MEIKIN: variants seen among roughly 807,000 people sequenced by gnomAD.
The protein encoded by MEIKIN is meiotic kinetochore factor.
intron 9 of MEIKIN, among the ~76,000 whole-genome samples, chr5:131,863,090 A>G (rs140180888): frequency 8.8e-4 from 134 of 152,250 alleles, no homozygotes; most frequent in Non-Finnish European, 1.5e-3. Context: ...AGTACTGTAT[A>G]GTTTCCAAAC....
chr5:131,836,345 C>G (rs1448386719), intron 11 of MEIKIN, among the ~76,000 whole-genome samples: 3 of 152,130 alleles, frequency 2.0e-5, no homozygotes, highest in Admixed American at 2.0e-4. Flanking sequence ...GTGAACAGTG[C>G]TGCAATGAAC....
intron 11 of MEIKIN, among the ~76,000 whole-genome samples, chr5:131,842,451 T>C (rs1251482603): frequency 6.6e-6 from 1 of 152,176 alleles, no homozygotes; most frequent in Non-Finnish European, 1.5e-5. Context: ...TTAATGGCCT[T>C]TATTGTGTTG....
At chr5:131,834,956 CTT>C (rs940016409) in intron 11 of MEIKIN, among the ~76,000 whole-genome samples, 14 of 152,060 alleles carry the variant, frequency 9.2e-5, no homozygotes, top group Admixed American at 5.9e-4. Context: ...CTTGCCTATA[CTT>C]TTTAATCTGT....
chr5:131,832,108 C>T (rs1749724832), intron 11 of MEIKIN, among the ~76,000 whole-genome samples: 1 of 152,094 alleles, frequency 6.6e-6, no homozygotes, highest in African/African-American at 2.4e-5. Context: ...GTCCACAGTC[C>T]ACAGTCTCAT....
intron 8 of MEIKIN, among the ~76,000 whole-genome samples, chr5:131,883,075 T>G (rs1241904955): frequency 1.3e-5 from 2 of 152,262 alleles, no homozygotes; most frequent in Non-Finnish European, 2.9e-5. Flanking sequence ...CTATGTAACA[T>G]TTGTTCTATT....
chr5:131,836,247 A>G (rs1170736686), intron 11 of MEIKIN, among the ~76,000 whole-genome samples: 1 of 152,162 alleles, frequency 6.6e-6, no homozygotes, highest in Non-Finnish European at 1.5e-5. Flanking sequence ...TTATGGCTGC[A>G]TAGTATTCCA....
intron 8 of MEIKIN, among the ~76,000 whole-genome samples, chr5:131,904,546 T>A (rs1159069724): frequency 6.6e-6 from 1 of 152,130 alleles, no homozygotes; most frequent in Non-Finnish European, 1.5e-5. Context: ...TAATTTACAC[T>A]CCCACCAATA....
intron 8 of MEIKIN, among the ~76,000 whole-genome samples, chr5:131,888,553 G>A (rs1750844239): frequency 6.6e-6 from 1 of 151,830 alleles, no homozygotes; most frequent in African/African-American, 2.4e-5. Context: ...TTTTTGATGG[G>A]GTTGTTTGTT....
At chr5:131,885,351 G>C (rs1750766608) in intron 8 of MEIKIN, among the ~76,000 whole-genome samples, 2 of 3,760 alleles carry the variant, frequency 5.3e-4, no homozygotes, top group South Asian at 6.8e-3. Context: ...AAGAGAGAGA[G>C]AGAGAGAGAG....
intron 7 of MEIKIN, among the ~76,000 whole-genome samples, chr5:131,915,102 A>C (rs1489364071): frequency 1.3e-5 from 2 of 152,156 alleles, no homozygotes; most frequent in Non-Finnish European, 2.9e-5. Context: ...AGGGCAATGA[A>C]GAAAGTGGCC....
chr5:131,916,249 C>T (rs1038492157), intron 7 of MEIKIN, among the ~76,000 whole-genome samples: 2 of 152,196 alleles, frequency 1.3e-5, no homozygotes, highest in African/African-American at 4.8e-5. Context: ...ACAATTGTCA[C>T]TGTCATTTAC....
intron 9 of MEIKIN, among the ~76,000 whole-genome samples, chr5:131,875,709 A>C (rs1338104739): frequency 1.3e-5 from 2 of 152,204 alleles, no homozygotes; most frequent in African/African-American, 4.8e-5. Context: ...CCAAAAGAAC[A>C]AAGCTGGAGG....
At chr5:131,900,355 A>G (rs1751134597) in intron 8 of MEIKIN, among the ~76,000 whole-genome samples, 1 of 152,218 alleles carries the variant, frequency 6.6e-6, no homozygotes, top group South Asian at 2.1e-4. Flanking sequence ...AACCCTGCAG[A>G]GGGCTAAGGC....
intron 12 of MEIKIN, among the ~76,000 whole-genome samples, chr5:131,807,604 C>A (rs1005198006): frequency 5.9e-5 from 9 of 152,186 alleles, no homozygotes; most frequent in African/African-American, 2.2e-4. Context: ...CTTTTCATGA[C>A]CCTGTCCTCA....
intron 8 of MEIKIN, among the ~76,000 whole-genome samples, chr5:131,900,057 G>A (rs558531385): frequency 1.3e-5 from 2 of 152,278 alleles, no homozygotes; most frequent in South Asian, 4.1e-4. Context: ...CTCAGCACAT[G>A]GATCAGTCTC....
chr5:131,892,248 T>C (rs1179201000), intron 8 of MEIKIN, among the ~76,000 whole-genome samples: 2 of 152,214 alleles, frequency 1.3e-5, no homozygotes, highest in African/African-American at 4.8e-5. Flanking sequence ...ATTTCCTGAA[T>C]GTGAATGTTG....
intron 8 of MEIKIN, among the ~76,000 whole-genome samples, chr5:131,895,099 G>T (rs756305935): frequency 1.3e-5 from 2 of 152,090 alleles, no homozygotes; most frequent in South Asian, 2.1e-4. Context: ...TAGCATGAAG[G>T]GCTGTTGAAT....
At chr5:131,866,270 G>A (rs1021534191) in intron 9 of MEIKIN, among the ~76,000 whole-genome samples, 11 of 152,246 alleles carry the variant, frequency 7.2e-5, no homozygotes, top group Non-Finnish European at 1.2e-4. Context: ...CCTGATCTCA[G>A]ACCCTGGGAA....
Position 131,924,671 on chromosome 5 carries a change from TG to T in MEIKIN, c.479-2731del, listed in dbSNP as rs372026143. Among the ~76,000 whole-genome samples, 951 of 152,292 alleles carry T rather than the reference TG, an allele frequency of 6.2e-3. 8 individuals are homozygous for T. The highest frequency in any genetic ancestry group is 0.022 in the African/African-American group (897 of 41,568). Reference sequence around the variant, plus strand: ...TATTTGTCTATTTTTTCAATCAGGTTGTTTTTTTTGCTTAATTTTGCTATTC... The same window carrying T: ...TATTTGTCTATTTTTTCAATCAGGTTTTTTTTTTGCTTAATTTTGCTATTC... On this transcript the variant is annotated intron_variant, in intron 5 of 12. Transcript: ENST00000442687.
Sources: gnomAD v4.1 joint callset for allele counts (sites outside exome capture counted in the v4.1 genomes callset) on GRCh38, gnomAD v4.1.1 for gene constraint, MANE v1.5 for transcripts, NCBI Gene and HGNC (gene_info 2026-07-23, HGNC 2026-07-21) for gene names.